Variants in MAP2 observed in about 807,000 individuals in gnomAD.
MAP2 encodes microtubule associated protein 2.
MAP2 carries 14 observed loss-of-function variants against 137.6 expected under a neutral mutation model. The ratio of observed to expected loss-of-function variants is 0.10; its 90% CI spans 0.07 to 0.16. The LOEUF (loss-of-function observed/expected upper bound fraction) is 0.16, where lower values mean the gene tolerates loss of function less well. MAP2 is among the 10% of genes least tolerant of loss of function. The probability of loss-of-function intolerance (pLI) is 1.00; values close to 1 mark genes in which losing one functional copy is unlikely to be tolerated. For synonymous variants in MAP2, 786 were observed against 782.3 expected (o/e 1.00, Z -0.08); for missense variants, 2,088 against 2,191.5 (o/e 0.95, Z 0.94).
chr2:209,600,996 A>G (rs545515081), intron 3 of MAP2, among the ~76,000 whole-genome samples: 2 of 152,306 alleles, frequency 1.3e-5, no homozygotes, highest in East Asian at 1.9e-4. Flanking sequence ...GTTCAGGATT[A>G]GACTTCTCAC....
intron 2 of MAP2, among the ~76,000 whole-genome samples, chr2:209,519,251 G>A (rs761026510): frequency 4.0e-4 from 61 of 152,042 alleles, no homozygotes; most frequent in Non-Finnish European, 5.7e-4. Flanking sequence ...AGCCAAGAGT[G>A]GGATTACACA....
intron 3 of MAP2, among the ~76,000 whole-genome samples, chr2:209,586,344 T>C (rs1011932169): frequency 1.3e-5 from 2 of 152,110 alleles, no homozygotes; most frequent in Non-Finnish European, 2.9e-5. Flanking sequence ...AATTTGGGCT[T>C]GGCATGCAAA....
At chr2:209,563,103 C>T (rs2072557483) in intron 2 of MAP2, among the ~76,000 whole-genome samples, 2 of 152,156 alleles carry the variant, frequency 1.3e-5, no homozygotes, top group Admixed American at 1.3e-4. Flanking sequence ...TTAGCCTTGT[C>T]TCTGCTGTAG....
At chr2:209,672,160 C>T (rs3768824) in intron 5 of MAP2, among the ~76,000 whole-genome samples, 151,939 of 151,968 alleles carry the variant, frequency 1, 75,955 homozygotes, top group Non-Finnish European at 1. Context: ...ATGATGGCTA[C>T]AAATGCTGAG....
chr2:209,693,468 C>G lies in MAP2; in HGVS notation c.1298C>G (p.Pro433Arg). Residue 433 changes from proline (P) to arginine (R), a missense_variant, in exon 8 of 16, where the codon CCT (proline) becomes CGT (arginine). By Grantham distance (103) the Pro-to-Arg change is moderately radical (BLOSUM62 -2). This residue lies in a region of MAP2 where 859 missense variants were observed against 794.5 expected (regional missense o/e 1.08). Transcript: ENST00000682079. ...RDTFTPSGQE[P>R]ILTEKETELK... is the part of the protein sequence containing the mutation. ...ACTTTCACCCCCAGTGGACAGGAAC[C>G]TATACTTACTGAAAAGGAAACTGAG... 5.0e-6 allele frequency: 8 copies of G among 1,613,710 alleles called. No individual in the cohort carries two copies. The highest frequency in any genetic ancestry group is 6.8e-6 in the Non-Finnish European group (8 of 1,179,948).
chr2:209,483,350 A>G (rs1559219489), intron 1 of MAP2, among the ~76,000 whole-genome samples: 1 of 152,198 alleles, frequency 6.6e-6, no homozygotes, highest in Admixed American at 6.6e-5. Context: ...CAATGGTACA[A>G]TTACCCTTTG....
chr2:209,462,911 C>G (rs1423160172), intron 1 of MAP2, among the ~76,000 whole-genome samples: 1 of 152,106 alleles, frequency 6.6e-6, no homozygotes, highest in Non-Finnish European at 1.5e-5. Context: ...AGCCCAATCT[C>G]TTTAAATGAA....
chr2:209,645,258 A>G (rs956374464), intron 4 of MAP2, among the ~76,000 whole-genome samples: 1 of 152,260 alleles, frequency 6.6e-6, no homozygotes, highest in Admixed American at 6.5e-5. Context: ...TTTTTAAGCC[A>G]GCTGTTAAAT....
intron 4 of MAP2, among the ~76,000 whole-genome samples, chr2:209,634,880 A>C (rs1277933249): frequency 6.6e-6 from 1 of 152,150 alleles, no homozygotes; most frequent in African/African-American, 2.4e-5. Flanking sequence ...TAATAGAGAA[A>C]GCAAGCATTT....
intron 1 of MAP2, among the ~76,000 whole-genome samples, chr2:209,493,277 A>G (rs2059356362): frequency 6.6e-6 from 1 of 152,254 alleles, no homozygotes; most frequent in South Asian, 2.1e-4. Context: ...ACAAAAATTA[A>G]TGCAAGATGG....
chr2:209,443,468 T>A (rs1470025022), intron 1 of MAP2, among the ~76,000 whole-genome samples: 1 of 151,658 alleles, frequency 6.6e-6, no homozygotes, highest in Non-Finnish European at 1.5e-5. Context: ...TTGGTGCTTG[T>A]CTACTGCACT....
At chr2:209,710,334 T>C (rs2064999881) in intron 13 of MAP2, 80 bp downstream of exon 13, 2 of 1,236,984 alleles carry the variant, frequency 1.6e-6, no homozygotes, top group Non-Finnish European at 2.3e-6. Context: ...TAACAGTTCT[T>C]AAAAGGGAAG....
At chr2:209,512,941 G>A (rs923193609) in intron 2 of MAP2, among the ~76,000 whole-genome samples, 5 of 152,102 alleles carry the variant, frequency 3.3e-5, no homozygotes, top group South Asian at 4.1e-4. Flanking sequence ...GACACTGCAC[G>A]CAGTCCAATT....
chr2:209,510,956 C>A (rs774601994), intron 2 of MAP2, among the ~76,000 whole-genome samples: 15 of 152,004 alleles, frequency 9.9e-5, no homozygotes, highest in Non-Finnish European at 1.6e-4. Flanking sequence ...GGGAGACATT[C>A]TTTAATAGAG....
chr2:209,475,324 C>T (rs1023578610), intron 1 of MAP2, among the ~76,000 whole-genome samples: 1 of 151,020 alleles, frequency 6.6e-6, no homozygotes, highest in African/African-American at 2.5e-5. Context: ...TAGAGTTCTC[C>T]TCTTGTTTTT....
At chr2:209,617,295 C>T (rs1328624702) in intron 3 of MAP2, among the ~76,000 whole-genome samples, 1 of 152,046 alleles carries the variant, frequency 6.6e-6, no homozygotes, top group Non-Finnish European at 1.5e-5. Flanking sequence ...CCAACATTAG[C>T]CAATGAGCAG....
intron 4 of MAP2, among the ~76,000 whole-genome samples, chr2:209,629,328 A>C (rs1290243612): frequency 6.6e-6 from 1 of 152,182 alleles, no homozygotes; most frequent in Non-Finnish European, 1.5e-5. Flanking sequence ...TTTCTGTAAA[A>C]TAGGCTGGGT....
chr2:209,442,435 G>T (rs1207587140), intron 1 of MAP2, among the ~76,000 whole-genome samples: 3 of 151,596 alleles, frequency 2.0e-5, no homozygotes, highest in East Asian at 3.9e-4. Context: ...AATGACTAAA[G>T]ATCAGATTGC....
At chr2:209,474,878 A>G (rs922924903) in intron 1 of MAP2, among the ~76,000 whole-genome samples, 6 of 151,992 alleles carry the variant, frequency 3.9e-5, no homozygotes, top group East Asian at 1.9e-4. Flanking sequence ...CAATTCAACA[A>G]TATTATTTCT....
Sources: gnomAD v4.1 joint callset for allele counts (sites outside exome capture counted in the v4.1 genomes callset) on GRCh38, gnomAD v4.1.1 for gene constraint, gnomAD v4.1.1 regional missense constraint, MANE v1.5 for transcripts, NCBI Gene and HGNC (gene_info 2026-07-23, HGNC 2026-07-21) for gene names.